Variants in DAAM1 observed in about 807,000 individuals in gnomAD.
DAAM1 encodes the protein dishevelled associated activator of morphogenesis 1.
A neutral mutation model predicts 130.0 loss-of-function variants in DAAM1; 52 were observed. The observed-to-expected ratio is 0.40, with a 90% confidence interval of 0.32 to 0.50. The LOEUF (loss-of-function observed/expected upper bound fraction) is 0.50, where lower values mean the gene tolerates loss of function less well. Among genes scored for constraint, DAAM1 ranks in the 20% least tolerant of loss-of-function variants. The pLI is 0.61. For synonymous variants in DAAM1, 452 were observed against 444.5 expected (o/e 1.02, Z -0.21); for missense variants, 1,134 against 1,303.8 (o/e 0.87, Z 2.01).
intron 18 of DAAM1, 110 bp from the exon 19 acceptor site, chr14:59,353,766 T>C (rs1486706028): frequency 1.1e-6 from 1 of 871,416 alleles, no homozygotes; most frequent in East Asian, 2.7e-5. Context: ...GTCGGGGGAG[T>C]GGGTGGGTAT....
intron 3 of DAAM1, among the ~76,000 whole-genome samples, chr14:59,310,259 G>A (rs1213493161): frequency 6.6e-6 from 1 of 151,806 alleles, no homozygotes; most frequent in Non-Finnish European, 1.5e-5. Flanking sequence ...ACAGGCATGC[G>A]CCGCCATGCC....
intron 2 of DAAM1, chr14:59,265,315 A>C (rs890924654): frequency 6.6e-6 from 1 of 152,242 alleles, no homozygotes; most frequent in African/African-American, 2.4e-5. Flanking sequence ...CTACCAGTGT[A>C]CTTACGCTTT....
intron 1 of DAAM1, among the ~76,000 whole-genome samples, chr14:59,253,886 A>G (rs531586333): frequency 1.3e-5 from 2 of 152,358 alleles, no homozygotes; most frequent in South Asian, 4.1e-4. Context: ...GCTTCAAGAT[A>G]TGGTAAACAT....
chr14:59,287,654 T>C (rs891188296), intron 2 of DAAM1, among the ~76,000 whole-genome samples: 1 of 152,050 alleles, frequency 6.6e-6, no homozygotes. Context: ...CAGACCTACA[T>C]AAAGAACAAA....
chr14:59,229,957 A>G (rs1332506038), intron 1 of DAAM1, among the ~76,000 whole-genome samples: 1 of 152,254 alleles, frequency 6.6e-6, no homozygotes, highest in Non-Finnish European at 1.5e-5. Flanking sequence ...GTTTGAGATA[A>G]TGGAACAGTG....
intron 1 of DAAM1, among the ~76,000 whole-genome samples, chr14:59,229,751 C>T (rs1889046444): frequency 6.6e-6 from 1 of 152,200 alleles, no homozygotes; most frequent in Non-Finnish European, 1.5e-5. Flanking sequence ...TAGAAGGAGG[C>T]TTAATCCCAC....
intron 1 of DAAM1, among the ~76,000 whole-genome samples, chr14:59,248,433 G>A (rs1010381685): frequency 9.2e-5 from 14 of 152,122 alleles, no homozygotes; most frequent in African/African-American, 3.4e-4. Flanking sequence ...TTTGCTTATT[G>A]TTTGTCTCCT....
At chr14:59,322,793 G>A in intron 5 of DAAM1, 99 bp from the exon 6 acceptor site, 1 of 974,100 alleles carries the variant, frequency 1.0e-6, no homozygotes, top group South Asian at 1.7e-5. Context: ...GGCACTTTAG[G>A]AACTAAATCT....
intron 1 of DAAM1, among the ~76,000 whole-genome samples, chr14:59,243,090 A>G (rs1176395622): frequency 2.6e-5 from 4 of 152,146 alleles, no homozygotes; most frequent in African/African-American, 4.8e-5. Context: ...GGGGATAGTT[A>G]GTGGTAGGGC....
chr14:59,315,401 G>A (rs746674756), intron 4 of DAAM1, 50 bp downstream of exon 4: 50 of 1,520,408 alleles, frequency 3.3e-5, no homozygotes, highest in Non-Finnish European at 4.4e-5. Flanking sequence ...TGCAAGTGTA[G>A]TACAAAGTAC....
chr14:59,258,284 C>T (rs1882003039), intron 1 of DAAM1, among the ~76,000 whole-genome samples: 1 of 152,158 alleles, frequency 6.6e-6, no homozygotes, highest in Non-Finnish European at 1.5e-5. Context: ...TCTACCTTTA[C>T]CAGCAAATCA....
chr14:59,335,119 T>C (rs1445090599), intron 15 of DAAM1, among the ~76,000 whole-genome samples: 1 of 152,228 alleles, frequency 6.6e-6, no homozygotes, highest in Non-Finnish European at 1.5e-5. Flanking sequence ...AGGGACATAA[T>C]TCCCAATTTC....
At chr14:59,358,570 C>A (rs528115522) in intron 20 of DAAM1, among the ~76,000 whole-genome samples, 1 of 152,116 alleles carries the variant, frequency 6.6e-6, no homozygotes, top group Non-Finnish European at 1.5e-5. Context: ...AGGCCAGACA[C>A]GGTGGCTCAC....
At chr14:59,256,706 C>G (rs1316417702) in intron 1 of DAAM1, among the ~76,000 whole-genome samples, 1 of 152,128 alleles carries the variant, frequency 6.6e-6, no homozygotes, top group Non-Finnish European at 1.5e-5. Context: ...AAACCTAGGT[C>G]CCTAGTTTCA....
chr14:59,320,606 T>TC (rs781707981), intron 5 of DAAM1, 22 bp downstream of exon 5: 2,845 of 1,452,760 alleles, frequency 2.0e-3, no homozygotes, highest in Non-Finnish European at 2.3e-3. Flanking sequence ...CTGGATGGCA[T>TC]GTTTTTTTTT....
chr14:59,235,283 T>C (rs553247119), intron 1 of DAAM1, among the ~76,000 whole-genome samples: 1 of 152,308 alleles, frequency 6.6e-6, no homozygotes, highest in South Asian at 2.1e-4. Context: ...TGAGCTTTTT[T>C]TGGTTGGTAG....
At chr14:59,221,598 C>A (rs192213552) in intron 1 of DAAM1, among the ~76,000 whole-genome samples, 1 of 152,298 alleles carries the variant, frequency 6.6e-6, no homozygotes, top group Admixed American at 6.5e-5. Context: ...AGTTGCTGGG[C>A]ATGGTAATAC....
intron 2 of DAAM1, among the ~76,000 whole-genome samples, chr14:59,286,499 C>A (rs1165828579): frequency 6.6e-6 from 1 of 151,922 alleles, no homozygotes; most frequent in African/African-American, 2.4e-5. Flanking sequence ...TTTAATCTTT[C>A]TTGGAAAGAT....
intron 21 of DAAM1, 117 bp downstream of exon 21, chr14:59,359,621 T>C (rs1886626236): frequency 2.9e-6 from 2 of 697,112 alleles, no homozygotes; most frequent in East Asian, 2.7e-5. Context: ...GATCATTGTA[T>C]GAAATAAAGT....
Sources: allele counts gnomAD v4.1 joint callset (sites outside exome capture counted in the v4.1 genomes callset), GRCh38; gene constraint gnomAD v4.1.1; transcripts MANE v1.5; gene names NCBI Gene and HGNC (gene_info 2026-07-23, HGNC 2026-07-21).